LRP2: variants seen among roughly 807,000 people sequenced by gnomAD.
LRP2 encodes LDL receptor related protein 2.
In LRP2, 172 loss-of-function variants were observed where a neutral mutation model predicts 531.0. The observed-to-expected ratio is 0.32, with a 90% CI of 0.29 to 0.37. The LOEUF (loss-of-function observed/expected upper bound fraction) is 0.37. LRP2 is among the 10% of genes least tolerant of loss of function. LRP2 has a pLI of 1.00. For missense variants in LRP2, 5,167 were observed against 5,868.3 expected (o/e 0.88, Z 3.90); for synonymous variants, 1,992 against 2,027.6 (o/e 0.98, Z 0.47).
intron 2 of LRP2, among the ~76,000 whole-genome samples, chr2:169,319,836 G>A (rs1684863965): frequency 6.6e-6 from 1 of 152,176 alleles, no homozygotes. Context: ...TTGTGCATGA[G>A]TATTTGAGGA....
At position 169,231,840 on chromosome 2, in the gene LRP2, C is replaced by T. The variant is rs757540309; in HGVS notation, c.5101G>A (p.Val1701Met). The T allele has an allele frequency of 9.9e-6, 16 of 1,613,772 alleles. No homozygotes were observed. Among genetic ancestry groups the T allele is most frequent in the Middle Eastern group, 1.6e-4 (1 of 6,076 alleles). Residue 1701 changes from valine (V) to methionine (M), a missense_variant and splice_region_variant, in exon 31 of 79, where the codon GTG becomes ATG. Val to Met is a conservative substitution (Grantham distance 21, BLOSUM62 1). Transcript: ENST00000649046. The part of the protein sequence containing the change: ...AVHPSKQPNS[V>M]NPCAFSRCSH... Reference sequence around the variant, plus strand: ...CAGCGGGAAAAGGCACATGGATTCACGGCTGCATGAGAAAGAGAAGAAAGC... The same window carrying T: ...CAGCGGGAAAAGGCACATGGATTCATGGCTGCATGAGAAAGAGAAGAAAGC...
At chr2:169,247,095 A>G in intron 20 of LRP2, 109 bp from the exon 21 acceptor site, 7 of 1,306,552 alleles carry the variant, frequency 5.4e-6, no homozygotes, top group East Asian at 4.9e-5. Flanking sequence ...TTCAGACCCA[A>G]TACTAAAAAG....
At position 169,220,504 on chromosome 2, in the gene LRP2, T is replaced by C. The variant is rs752187172; in HGVS notation, c.5598A>G (p.Thr1866=). Residue 1866 remains threonine, a synonymous_variant, in exon 34 of 79, where the codon ACA becomes ACG. Coordinates refer to ENST00000649046, the MANE Select transcript of LRP2 (RefSeq NM_004525.3). The part of the protein sequence containing the change: ...YRKTLIANDG[T]ALGVGFPIGI... ...CAATTGGAAAGCCAACTCCAAGAGCTGTCCCATCATTGGCAATCAATGTTT... is the reference window on the plus strand; with the variant it reads ...CAATTGGAAAGCCAACTCCAAGAGCCGTCCCATCATTGGCAATCAATGTTT... 1.4e-5 allele frequency: 23 copies of C among 1,613,632 alleles called. No individual in the cohort carries two copies. Among genetic ancestry groups the C allele is most frequent in the Non-Finnish European group, 1.9e-5 (22 of 1,179,708 alleles).
Position 169,174,142 on chromosome 2 carries a change from A to G in LRP2, c.10791T>C (p.Asn3597=), listed in dbSNP as rs1687102619. The change falls in exon 56 of 79, where the codon AAT becomes AAC. Residue 3597 remains asparagine (N), a synonymous_variant. Coordinates refer to ENST00000649046, the MANE Select transcript of LRP2 (RefSeq NM_004525.3). ...AACGTTTGTTGGCGCACTGCCATTC[A>G]TTGGAGTCACAGTGGTGATTCTCTG... ...LLCENHHCDS[N]EWQCANKRCI... The G allele has an allele frequency of 2.5e-6, 4 of 1,614,234 alleles. 1 individual carries two copies. The South Asian group carries it at 4.4e-5, about 18-fold the overall frequency.
chr2:169,317,906 G>A (rs1213767959), intron 3 of LRP2, among the ~76,000 whole-genome samples: 4 of 152,026 alleles, frequency 2.6e-5, no homozygotes, highest in Non-Finnish European at 5.9e-5. Flanking sequence ...ACAAGATCGT[G>A]TCTCTACAAA....
rs962808299 is a variant in LRP2, at chr2:169,354,540, T to C, written c.79+7781A>G. ...TAATGACCAAAAGTGAAACTTCAAA[T>C]TGTCTAATCTGTCATTATCTAGGAA... is the stretch of plus-strand genomic sequence containing the variant. On this transcript the variant is annotated intron_variant, in intron 1 of 78. Transcript: ENST00000649046. 3.3e-5 allele frequency among the ~76,000 whole-genome samples: 5 copies of C among 152,334 alleles called. No individual in the cohort carries two copies. The East Asian group carries it at 9.6e-4, about 29-fold the overall frequency.
chr2:169,265,808 G>A (rs1230804344), intron 16 of LRP2, among the ~76,000 whole-genome samples: 1 of 151,840 alleles, frequency 6.6e-6, no homozygotes, highest in East Asian at 1.9e-4. Context: ...GAAATAAATG[G>A]CCTGCCACAA....
chr2:169,157,651 G>A, intron 63 of LRP2, 149 bp from the exon 64 acceptor site: 1 of 803,758 alleles, frequency 1.2e-6, no homozygotes, highest in Non-Finnish European at 2.1e-6. Flanking sequence ...GAGGGCACTG[G>A]GGGAGTCAGG....
chr2:169,216,621 C>T (rs1433773629), intron 34 of LRP2, among the ~76,000 whole-genome samples, 191 bp from the exon 35 acceptor site: 1 of 152,136 alleles, frequency 6.6e-6, no homozygotes, highest in Non-Finnish European at 1.5e-5. Flanking sequence ...GGTATATTTC[C>T]TAGCTATAAC....
intron 46 of LRP2, among the ~76,000 whole-genome samples, chr2:169,194,312 A>G (rs569958158): frequency 2.6e-5 from 4 of 152,082 alleles, no homozygotes; most frequent in African/African-American, 4.8e-5. Context: ...CCTTCTTTCC[A>G]TAACACTTAG....
intron 47 of LRP2, 80 bp downstream of exon 47, chr2:169,193,681 A>G: frequency 6.4e-7 from 1 of 1,563,848 alleles, no homozygotes; most frequent in Non-Finnish European, 8.8e-7. Flanking sequence ...CTGCAATCAT[A>G]CTCTCCAAAC....
intron 16 of LRP2, among the ~76,000 whole-genome samples, chr2:169,270,104 C>G (rs1683362593): frequency 6.6e-6 from 1 of 152,132 alleles, no homozygotes; most frequent in Non-Finnish European, 1.5e-5. Context: ...AGTCAGGAAA[C>G]AACAGGTGCT....
At chr2:169,330,572 T>G (rs1180873497) in intron 1 of LRP2, among the ~76,000 whole-genome samples, 1 of 152,166 alleles carries the variant, frequency 6.6e-6, no homozygotes, top group Non-Finnish European at 1.5e-5. Flanking sequence ...AAAGCCACAC[T>G]TCTCAGAGGT....
At chr2:169,357,840 C>A (rs1255360788) in intron 1 of LRP2, among the ~76,000 whole-genome samples, 1 of 152,118 alleles carries the variant, frequency 6.6e-6, no homozygotes, top group Non-Finnish European at 1.5e-5. Flanking sequence ...AGAACATGAA[C>A]AATGATTATG....
intron 17 of LRP2, among the ~76,000 whole-genome samples, chr2:169,258,405 G>C (rs1690402426): frequency 6.6e-6 from 1 of 152,116 alleles, no homozygotes; most frequent in African/African-American, 2.4e-5. Flanking sequence ...TCAGGCATTG[G>C]TGGGTTAGCA....
At chr2:169,305,004 AGTT>A in intron 4 of LRP2, among the ~76,000 whole-genome samples, 1 of 152,338 alleles carries the variant, frequency 6.6e-6, no homozygotes, top group Non-Finnish European at 1.5e-5. Flanking sequence ...CATAAGTGGG[AGTT>A]GAACGATGAG....
chr2:169,275,388 T>A, intron 13 of LRP2, 150 bp from the exon 14 acceptor site: 1 of 674,006 alleles, frequency 1.5e-6, no homozygotes, highest in Non-Finnish European at 2.6e-6. Context: ...TTTAGATGTA[T>A]ACATATTTCC....
At chr2:169,175,485 G>T in intron 54 of LRP2, 96 bp from the exon 55 acceptor site, 2 of 1,123,042 alleles carry the variant, frequency 1.8e-6, no homozygotes, top group Non-Finnish European at 2.7e-6. Flanking sequence ...GAAATGACAT[G>T]CATGAGCTCT....
intron 1 of LRP2, among the ~76,000 whole-genome samples, chr2:169,360,739 A>T (rs146163486): frequency 6.6e-6 from 1 of 152,336 alleles, no homozygotes; most frequent in East Asian, 1.9e-4. Context: ...AAGGTTATTA[A>T]TGATCTCTCC....
Sources: gnomAD v4.1 joint callset for allele counts (sites outside exome capture counted in the v4.1 genomes callset) on GRCh38, gnomAD v4.1.1 for gene constraint, MANE v1.5 for transcripts, NCBI Gene and HGNC (gene_info 2026-07-23, HGNC 2026-07-21) for gene names.